The following TBC1D22A variants were observed in gnomAD, a reference collection of about 807,000 sequenced individuals.
The protein encoded by TBC1D22A is putative GTPase activator.
TBC1D22A carries 38 observed loss-of-function variants against 60.2 expected under a neutral mutation model. The ratio of observed to expected loss-of-function variants is 0.63; its 90% CI spans 0.49 to 0.83. The LOEUF is 0.83. TBC1D22A is among the 40% of genes least tolerant of loss of function. The probability of loss-of-function intolerance (pLI) is 0.00; values close to 1 mark genes in which losing one functional copy is unlikely to be tolerated. For synonymous variants in TBC1D22A, 302 were observed against 281.7 expected (o/e 1.07, Z -0.72); for missense variants, 628 against 701.0 (o/e 0.90, Z 1.18).
rs113386888 is a variant in TBC1D22A, at chr22:47,107,182, A to T, written c.1330-4326A>T. Among the ~76,000 whole-genome samples the T allele has an allele frequency of 4.7e-3, 717 of 152,288 alleles. 3 individuals are homozygous for T. Among genetic ancestry groups the T allele is most frequent in the Middle Eastern group, 0.02 (6 of 294 alleles). ...ATAGAAACAATTCATTAACTTCCAG[A>T]TTCATTGGGGTTAGGGCATTAGAAT... On this transcript the variant is annotated intron_variant, in intron 11 of 12. Coordinates refer to ENST00000337137, the MANE Select transcript of TBC1D22A (RefSeq NM_014346.5).
rs1447712900 is a variant in TBC1D22A, at chr22:46,762,840, C to A, written c.54C>A (p.Leu18=). Residue 18 remains leucine, a synonymous_variant, in exon 1 of 13, where the codon CTC becomes CTA. Transcript: ENST00000337137. ...TCTGGAAGCGCAGCAACAGCAAGCT[C>A]CCGGGCAGGTGGGTGTGCCGCGGAG... ...KQFWKRSNSK[L]PGSIQHVYGA... 2.0e-6 allele frequency: 3 copies of A among 1,465,278 alleles called. No homozygotes were observed. Among genetic ancestry groups the A allele is most frequent in the Non-Finnish European group, 1.8e-6 (2 of 1,115,002 alleles). The allele number at this position is 1,465,278 out of a possible 1,614,324, so 90.8% of individuals were successfully genotyped here. A position where few individuals can be genotyped will look rare whatever the true frequency, so the allele number is the denominator to read the frequency against.
rs1193971650 is a variant in TBC1D22A, at chr22:46,990,362, T to G, written c.1126-7272T>G. Among the ~76,000 whole-genome samples, 1 of 152,170 alleles carries G rather than the reference T, an allele frequency of 6.6e-6. No individual in the cohort carries two copies. The highest frequency in any genetic ancestry group is 6.5e-5 in the Admixed American group (1 of 15,288). ...TGGAGTTTGGTTTTTTTAGAGCAGTTTTAGCTTTCCAGAAAAATTGAGCAG... is the reference window on the plus strand; with the variant it reads ...TGGAGTTTGGTTTTTTTAGAGCAGTGTTAGCTTTCCAGAAAAATTGAGCAG... On this transcript the variant is annotated intron_variant, in intron 9 of 12. Coordinates refer to ENST00000337137, the MANE Select transcript of TBC1D22A (RefSeq NM_014346.5). This position sits in a 1 kb window ranked among gnomAD's most constrained non-coding sequence, Gnocchi z 4.6.
At chr22:46,986,881 C>T (rs748826876) in intron 9 of TBC1D22A, among the ~76,000 whole-genome samples, 1 of 152,168 alleles carries the variant, frequency 6.6e-6, no homozygotes, top group Non-Finnish European at 1.5e-5. Flanking sequence ...CTGATTTGCG[C>T]ACCATGATGT....
chr22:47,050,403 AT>A (rs1213694173), intron 11 of TBC1D22A, among the ~76,000 whole-genome samples: 1 of 152,196 alleles, frequency 6.6e-6, no homozygotes, highest in Non-Finnish European at 1.5e-5. Flanking sequence ...CCCTGATTCT[AT>A]TTTTATTTCC....
At chr22:46,840,739 A>C (rs1030395598) in intron 4 of TBC1D22A, among the ~76,000 whole-genome samples, 17 of 152,166 alleles carry the variant, frequency 1.1e-4, no homozygotes, top group South Asian at 8.3e-4. Flanking sequence ...TCTACAAAAA[A>C]AAAAAAAAGA....
chr22:47,093,909 T>G (rs1412872737), intron 11 of TBC1D22A, among the ~76,000 whole-genome samples: 1 of 152,202 alleles, frequency 6.6e-6, no homozygotes, highest in Non-Finnish European at 1.5e-5. Context: ...ACAACAATTA[T>G]TCCCAAGGAA....
At chr22:46,821,375 G>A (rs920970015) in intron 4 of TBC1D22A, among the ~76,000 whole-genome samples, 4 of 152,040 alleles carry the variant, frequency 2.6e-5, no homozygotes, top group Non-Finnish European at 5.9e-5. Context: ...GGCTGGTACC[G>A]GTTTTTCCTT....
chr22:47,120,435 C>T (rs1007126444), intron 12 of TBC1D22A, among the ~76,000 whole-genome samples: 3 of 152,236 alleles, frequency 2.0e-5, no homozygotes, highest in African/African-American at 7.2e-5. Flanking sequence ...CACACGCACA[C>T]ACAACATGGA....
At chr22:46,807,096 T>C (rs1225742095) in intron 4 of TBC1D22A, among the ~76,000 whole-genome samples, 1 of 152,232 alleles carries the variant, frequency 6.6e-6, no homozygotes, top group African/African-American at 2.4e-5. Context: ...GTAGACACTT[T>C]ACAGGCGAAG....
intron 4 of TBC1D22A, among the ~76,000 whole-genome samples, chr22:46,822,070 G>A (rs1358158766): frequency 6.6e-6 from 1 of 151,876 alleles, no homozygotes; most frequent in African/African-American, 2.4e-5. Flanking sequence ...ATCTCATGCT[G>A]TGTTTTTCAG....
chr22:46,781,859 C>T (rs886646593), intron 1 of TBC1D22A, among the ~76,000 whole-genome samples: 1 of 152,214 alleles, frequency 6.6e-6, no homozygotes, highest in Admixed American at 6.5e-5. Context: ...TTTGTAGGAT[C>T]AGCAGGATGT....
chr22:47,046,840 C>T (rs902708945), intron 11 of TBC1D22A, among the ~76,000 whole-genome samples: 3 of 152,172 alleles, frequency 2.0e-5, no homozygotes, highest in Non-Finnish European at 4.4e-5. Flanking sequence ...CAGACCAAGG[C>T]TGCGGGAACA....
intron 1 of TBC1D22A, among the ~76,000 whole-genome samples, chr22:46,778,611 A>G (rs1288612731): frequency 6.6e-6 from 1 of 152,180 alleles, no homozygotes. Flanking sequence ...GCATGGAATC[A>G]TCATCTTCCA....
At chr22:47,148,116 G>A (rs2067352797) in intron 12 of TBC1D22A, among the ~76,000 whole-genome samples, 1 of 152,196 alleles carries the variant, frequency 6.6e-6, no homozygotes, top group Admixed American at 6.5e-5. Flanking sequence ...GATGAAAAAT[G>A]AAGCATCTCA....
chr22:46,981,610 C>G (rs2074514580), intron 9 of TBC1D22A, among the ~76,000 whole-genome samples: 1 of 152,184 alleles, frequency 6.6e-6, no homozygotes, highest in Non-Finnish European at 1.5e-5. Flanking sequence ...GGGCTCTTCC[C>G]CCACTTTGCT....
chr22:46,775,393 A>C (rs184998745), intron 1 of TBC1D22A, among the ~76,000 whole-genome samples: 7 of 152,226 alleles, frequency 4.6e-5, no homozygotes, highest in Non-Finnish European at 1.0e-4. Context: ...AGAGACAACC[A>C]CAGTTTTATA....
intron 10 of TBC1D22A, among the ~76,000 whole-genome samples, chr22:47,032,562 G>A (rs759653864): frequency 5.3e-5 from 8 of 152,186 alleles, no homozygotes; most frequent in Non-Finnish European, 8.8e-5. Context: ...TCTAAAGCTC[G>A]CCTGAAGCCT....
At chr22:46,961,986 G>C (rs2148059748) in intron 8 of TBC1D22A, among the ~76,000 whole-genome samples, 1 of 152,366 alleles carries the variant, frequency 6.6e-6, no homozygotes. Context: ...AGTCACTGCA[G>C]GTTCCTGCAG....
At chr22:46,997,535 A>G (rs1446757822) in intron 9 of TBC1D22A, 99 bp from the exon 10 acceptor site, 3 of 895,916 alleles carry the variant, frequency 3.3e-6, no homozygotes, top group Non-Finnish European at 3.6e-6. Flanking sequence ...AATTCGTCCT[A>G]TTATAAAGCT....
Sources: allele counts gnomAD v4.1 joint callset (sites outside exome capture counted in the v4.1 genomes callset), GRCh38; gene constraint gnomAD v4.1.1; non-coding constraint Gnocchi (gnomAD v3.1); transcripts MANE v1.5; gene names NCBI Gene and HGNC (gene_info 2026-07-23, HGNC 2026-07-21).